The following PDE1A variants were observed in gnomAD, a reference collection of about 807,000 sequenced individuals.
PDE1A encodes the protein phosphodiesterase 1A, also known as dual specificity calcium/calmodulin-dependent 3',5'-cyclic nucleotide phosphodiesterase 1A.
PDE1A carries 35 observed loss-of-function variants against 61.7 expected under a neutral mutation model. That is an observed-to-expected ratio of 0.57 (90% confidence interval 0.43 to 0.75). The LOEUF is 0.75. Among genes scored for constraint, PDE1A ranks in the 30% least tolerant of loss-of-function variants. The probability of loss-of-function intolerance (pLI) is 0.00; values close to 1 mark genes in which losing one functional copy is unlikely to be tolerated. For missense variants in PDE1A, 597 were observed against 630.6 expected (o/e 0.95, Z 0.57); for synonymous variants, 232 against 213.2 (o/e 1.09, Z -0.77).
At chr2:182,519,016 G>A (rs1275585417) in intron 2 of PDE1A, among the ~76,000 whole-genome samples, 4 of 151,966 alleles carry the variant, frequency 2.6e-5, no homozygotes, top group East Asian at 1.9e-4. Flanking sequence ...ACACAAAAAG[G>A]CATTTATCTT....
At chr2:182,426,092 T>C (rs928888816) in intron 1 of PDE1A, among the ~76,000 whole-genome samples, 1 of 152,188 alleles carries the variant, frequency 6.6e-6, no homozygotes, top group Non-Finnish European at 1.5e-5. Context: ...TTTCTTTAAC[T>C]GCTGGTCTGA....
intron 1 of PDE1A, among the ~76,000 whole-genome samples, chr2:182,313,351 C>A (rs547840713): frequency 6.6e-6 from 1 of 152,140 alleles, no homozygotes; most frequent in East Asian, 1.9e-4. Flanking sequence ...GAGGCAGGGG[C>A]TGCAGTGAGC....
the PDE1A span, among the ~76,000 whole-genome samples, chr2:182,593,884 G>GT: frequency 2.0e-5 from 3 of 152,160 alleles, no homozygotes; most frequent in East Asian, 5.8e-4. Context: ...GCATATTTGA[G>GT]TATTCCCTTG....
chr2:182,186,640 T>G, intron 11 of PDE1A, 52 bp from the exon 12 acceptor site: 2 of 1,538,496 alleles, frequency 1.3e-6, no homozygotes, highest in Non-Finnish European at 1.8e-6. Context: ...TGTTACAATT[T>G]CCTGAATTCT....
At chr2:182,589,021 C>T in the PDE1A span, among the ~76,000 whole-genome samples, 35 of 148,722 alleles carry the variant, frequency 2.4e-4, no homozygotes, top group African/African-American at 7.1e-4. Context: ...CCAGCCTGGG[C>T]GACAGAGTGA....
chr2:182,419,775 CT>C (rs1703157872), intron 1 of PDE1A, among the ~76,000 whole-genome samples: 1 of 152,096 alleles, frequency 6.6e-6, no homozygotes, highest in Non-Finnish European at 1.5e-5. Flanking sequence ...AACTACATGC[CT>C]TTTGTTTCGC....
At chr2:182,215,716 G>A (rs1688113341) in intron 7 of PDE1A, among the ~76,000 whole-genome samples, 1 of 107,746 alleles carries the variant, frequency 9.3e-6, no homozygotes, top group African/African-American at 3.8e-5. Context: ...ACTAAACCAG[G>A]AAGAAGTTGA....
chr2:182,270,814 T>A (rs1055642336), intron 1 of PDE1A, among the ~76,000 whole-genome samples: 7 of 151,726 alleles, frequency 4.6e-5, no homozygotes, highest in Non-Finnish European at 8.8e-5. Context: ...AGCTACTGTG[T>A]CATTTTCAGT....
chr2:182,609,318 G>C, the PDE1A span, among the ~76,000 whole-genome samples: 8 of 152,336 alleles, frequency 5.3e-5, no homozygotes, highest in African/African-American at 1.9e-4. Context: ...CAATCAGCAG[G>C]ATGTGCGTGG....
chr2:182,496,020 T>C (rs753307028), intron 2 of PDE1A, among the ~76,000 whole-genome samples: 16 of 152,244 alleles, frequency 1.1e-4, no homozygotes, highest in Non-Finnish European at 1.5e-4. Context: ...ATAAGTCCTC[T>C]CAACCATAAA....
At chr2:182,191,624 C>A (rs1187757729) in intron 10 of PDE1A, among the ~76,000 whole-genome samples, 2 of 150,514 alleles carry the variant, frequency 1.3e-5, no homozygotes, top group African/African-American at 4.9e-5. Context: ...ATTAAAATTG[C>A]AAAAACCACA....
At chr2:182,380,537 C>T (rs1173328417) in intron 1 of PDE1A, among the ~76,000 whole-genome samples, 2 of 152,092 alleles carry the variant, frequency 1.3e-5, no homozygotes, top group Non-Finnish European at 2.9e-5. Context: ...GGTATATGTG[C>T]TAATTTTATA....
chr2:182,339,764 G>T (rs759911937), intron 1 of PDE1A, among the ~76,000 whole-genome samples: 2 of 152,152 alleles, frequency 1.3e-5, no homozygotes, highest in Non-Finnish European at 2.9e-5. Flanking sequence ...CTCTTGTAGA[G>T]CATTTTAAAA....
intron 13 of PDE1A, among the ~76,000 whole-genome samples, chr2:182,152,762 A>C (rs919647012): frequency 4.1e-4 from 63 of 152,112 alleles, no homozygotes; most frequent in Admixed American, 3.3e-3. Flanking sequence ...GAGAAGAAGC[A>C]GTTGTATGTG....
intron 2 of PDE1A, chr2:182,242,201 G>C: frequency 2.1e-6 from 1 of 467,800 alleles, no homozygotes; most frequent in Non-Finnish European, 3.1e-6. Flanking sequence ...TGGCTTTAAG[G>C]CTATATGTCC....
intron 1 of PDE1A, among the ~76,000 whole-genome samples, chr2:182,380,167 G>A (rs764693045): frequency 1.5e-4 from 21 of 137,098 alleles, no homozygotes; most frequent in Non-Finnish European, 2.6e-4. Flanking sequence ...CTGGAGTGCA[G>A]TGGCACGCTC....
At chr2:182,563,022 A>AT in the PDE1A span, among the ~76,000 whole-genome samples, 1 of 152,074 alleles carries the variant, frequency 6.6e-6, no homozygotes, top group African/African-American at 2.4e-5. Context: ...GGATTCATTA[A>AT]TTTTTTGAAG....
the PDE1A span, among the ~76,000 whole-genome samples, chr2:182,552,393 T>A: frequency 6.6e-6 from 1 of 151,528 alleles, no homozygotes; most frequent in African/African-American, 2.4e-5. Context: ...GCTATTGTAC[T>A]GGGAACTGCA....
chr2:182,268,821 A>G (rs1692814592), intron 1 of PDE1A, among the ~76,000 whole-genome samples: 1 of 152,004 alleles, frequency 6.6e-6, no homozygotes, highest in South Asian at 2.1e-4. Context: ...ATCACTCCCT[A>G]CATAGAAACT....
Sources: gnomAD v4.1 joint callset for allele counts (sites outside exome capture counted in the v4.1 genomes callset) on GRCh38, gnomAD v4.1.1 for gene constraint, MANE v1.5 for transcripts, NCBI Gene and HGNC (gene_info 2026-07-23, HGNC 2026-07-21) for gene names.